Variants in WASF3 observed in about 807,000 individuals in gnomAD.
WASF3 encodes actin-binding protein WASF3.
WASF3 carries 11 observed loss-of-function variants against 46.6 expected under a neutral mutation model. The observed-to-expected ratio is 0.24, with a 90% CI of 0.15 to 0.39. The LOEUF (loss-of-function observed/expected upper bound fraction) is 0.39. Ranked by LOEUF, WASF3 falls within the 10% of genes least tolerant of loss-of-function variation. The pLI is 1.00. For missense variants in WASF3, 576 were observed against 669.8 expected, an observed-to-expected ratio of 0.86 and a Z score of 1.55; for synonymous variants, 242 against 259.7, an observed-to-expected ratio of 0.93 and a Z score of 0.65.
At chr13:26,561,748 T>C (rs141677191) in intron 1 of WASF3, among the ~76,000 whole-genome samples, 3,427 of 152,258 alleles carry the variant, frequency 0.023, 97 homozygotes, top group African/African-American at 0.064. Context: ...AATGTCTAGA[T>C]TAGATTGCAC....
rs1007472910 is a variant in WASF3 at position 26,583,952 on chromosome 13, C to T, written c.-109+26133C>T. ...TCCACTTAAAAAGGTTCTGAAAACTCAATTCAGTGAAGTGTGTTTGGGCTC... is the reference window on the plus strand; with the variant it reads ...TCCACTTAAAAAGGTTCTGAAAACTTAATTCAGTGAAGTGTGTTTGGGCTC... On this transcript the variant is annotated intron_variant, in intron 1 of 9. Transcript: ENST00000335327. Among the ~76,000 whole-genome samples the T allele has an allele frequency of 3.3e-5, 5 of 152,212 alleles. No individual in the cohort carries two copies. The East Asian group carries it at 5.8e-4, about 18-fold the overall frequency.
At chr13:26,549,485 G>A in the WASF3 span, among the ~76,000 whole-genome samples, 6 of 152,060 alleles carry the variant, frequency 3.9e-5, no homozygotes, top group Non-Finnish European at 7.4e-5. Context: ...GGTATTGAGC[G>A]TTAGTGGACC....
At chr13:26,573,428 C>T (rs1233272109) in intron 1 of WASF3, among the ~76,000 whole-genome samples, 1 of 151,918 alleles carries the variant, frequency 6.6e-6, no homozygotes, top group South Asian at 2.1e-4. Flanking sequence ...GTGCACAGTT[C>T]ATTTTATCCT....
chr13:26,638,918 A>G (rs1881909650), intron 2 of WASF3, among the ~76,000 whole-genome samples: 1 of 152,170 alleles, frequency 6.6e-6, no homozygotes, highest in Non-Finnish European at 1.5e-5. Flanking sequence ...GGGTGGTTAA[A>G]AAGAGTCTGG....
intron 1 of WASF3, among the ~76,000 whole-genome samples, chr13:26,610,612 G>C (rs150613975): frequency 2.0e-4 from 30 of 152,318 alleles, no homozygotes; most frequent in African/African-American, 7.2e-4. Flanking sequence ...GAGGGCATTT[G>C]TGACACAGGG....
At chr13:26,569,850 A>T (rs1879581803) in intron 1 of WASF3, among the ~76,000 whole-genome samples, 1 of 152,250 alleles carries the variant, frequency 6.6e-6, no homozygotes, top group South Asian at 2.1e-4. Context: ...TAACAATGTC[A>T]GCCATGAAAA....
chr13:26,544,414 T>TTCAGCACAGCATCTCC, the WASF3 span, among the ~76,000 whole-genome samples: 1 of 152,186 alleles, frequency 6.6e-6, no homozygotes, highest in African/African-American at 2.4e-5. Flanking sequence ...TGTGCTTCTT[T>TTCAGCACAGCATCTCC]TCAGCACAGC....
At position 26,557,718 on chromosome 13, in the gene WASF3, G is replaced by C. The variant is rs186628511; in HGVS notation, c.-210G>C. 1.1e-3 allele frequency: 208 copies of C among 186,262 alleles called. 1 individual carries two copies. The highest frequency in any genetic ancestry group is 9.2e-4 in the Non-Finnish European group (84 of 91,704). The allele number at this position is 186,262 out of a possible 1,614,324, so 11.5% of individuals were successfully genotyped here. ...CGGAGGCGGCGTCGCTCGCGCCGCT[G>C]CGTGCGGTGTGGTGCGAGGCGGGTG... On this transcript the variant is annotated 5_prime_UTR_variant, in exon 1 of 10. Transcript: ENST00000335327.
intron 1 of WASF3, among the ~76,000 whole-genome samples, chr13:26,604,498 TTAG>T (rs1488627091): frequency 6.6e-6 from 1 of 152,210 alleles, no homozygotes; most frequent in Non-Finnish European, 1.5e-5. Context: ...AAATACATAA[TTAG>T]TATTGAAAAT....
upstream of WASF3, among the ~76,000 whole-genome samples, chr13:26,555,686 T>C (rs59142359): frequency 6.0e-3 from 918 of 152,288 alleles, 11 homozygotes; most frequent in African/African-American, 0.021. Context: ...ATGACAAGGA[T>C]AGCAGAGACA....
In WASF3 at chr13:26,685,869, G is replaced by A. The variant is rs199731940; in HGVS notation, c.*24G>A. ...GAGCAAAGGCCGGCGGAGAGGCCGC[G>A]TGTGGGAGCGTGTTGAAGATTTTAA... On this transcript the variant is annotated 3_prime_UTR_variant, in exon 10 of 10. Transcript: ENST00000335327. The A allele has an allele frequency of 1.7e-4, 271 of 1,603,708 alleles. No individual in the cohort carries two copies. The East Asian group carries it at 5.4e-3, about 32-fold the overall frequency.
At chr13:26,551,958 C>G in the WASF3 span, among the ~76,000 whole-genome samples, 1 of 152,090 alleles carries the variant, frequency 6.6e-6, no homozygotes, top group South Asian at 2.1e-4. Flanking sequence ...GAAATATTGT[C>G]ACAGCACAAA....
rs146332796 is a variant in WASF3, at chr13:26,644,099, A to T, written c.133+1696A>T. On this transcript the variant is annotated intron_variant, in intron 3 of 9. Coordinates refer to ENST00000335327, the MANE Select transcript of WASF3 (RefSeq NM_006646.6). Reference sequence around the variant, plus strand: ...GAAGAATCAGTGCCAGGGTGACGTGATGTGGGAAGGACCCAACTGCCATTG... The same window carrying T: ...GAAGAATCAGTGCCAGGGTGACGTGTTGTGGGAAGGACCCAACTGCCATTG... 6.6e-4 allele frequency among the ~76,000 whole-genome samples: 100 copies of T among 152,320 alleles called. 1 individual carries two copies. The East Asian group carries it at 0.016, about 25-fold the overall frequency.
intron 1 of WASF3, among the ~76,000 whole-genome samples, chr13:26,566,986 A>G (rs1263367374): frequency 6.6e-6 from 1 of 152,172 alleles, no homozygotes; most frequent in Non-Finnish European, 1.5e-5. Flanking sequence ...CCCCCATTTC[A>G]CACTTGGGGC....
chr13:26,566,703 G>T (rs900619137), intron 1 of WASF3, among the ~76,000 whole-genome samples: 1 of 152,170 alleles, frequency 6.6e-6, no homozygotes, highest in Non-Finnish European at 1.5e-5. Context: ...CCTGTGGGAG[G>T]TTTTTATAGA....
chr13:26,600,903 T>G (rs1880622189), intron 1 of WASF3, among the ~76,000 whole-genome samples: 1 of 152,196 alleles, frequency 6.6e-6, no homozygotes, highest in South Asian at 2.1e-4. Flanking sequence ...TGGTATATAG[T>G]CAGGGTGATT....
At chr13:26,560,530 TACTAGGTA>T (rs766263756) in intron 1 of WASF3, among the ~76,000 whole-genome samples, 1 of 152,182 alleles carries the variant, frequency 6.6e-6, no homozygotes, top group Non-Finnish European at 1.5e-5. Flanking sequence ...CATGAATGCC[TACTAGGTA>T]CCAGGTACTA....
chr13:26,553,898 T>C (rs187741480), upstream of WASF3, among the ~76,000 whole-genome samples: 277 of 152,132 alleles, frequency 1.8e-3, no homozygotes, highest in Non-Finnish European at 2.9e-3. Flanking sequence ...TAAAGGTATA[T>C]GGGTGTTCCT....
intron 9 of WASF3, among the ~76,000 whole-genome samples, chr13:26,683,385 A>G (rs1403559885): frequency 6.6e-6 from 1 of 151,850 alleles, no homozygotes; most frequent in African/African-American, 2.4e-5. Flanking sequence ...CTGAGGTGGG[A>G]GGATTGCTTG....
Sources: gnomAD v4.1 joint callset for allele counts (sites outside exome capture counted in the v4.1 genomes callset) on GRCh38, gnomAD v4.1.1 for gene constraint, MANE v1.5 for transcripts, NCBI Gene and HGNC (gene_info 2026-07-23, HGNC 2026-07-21) for gene names.